The following DOCK6 variants were observed in gnomAD, a reference collection of about 807,000 sequenced individuals.
DOCK6 encodes dedicator of cytokinesis protein 6.
A neutral mutation model predicts 230.3 loss-of-function variants in DOCK6; 167 were observed. The observed-to-expected ratio is 0.73, with a 90% CI of 0.64 to 0.82. The LOEUF is 0.82. Ranked by LOEUF, DOCK6 falls within the 40% of genes least tolerant of loss-of-function variation. The pLI is 0.00. For missense variants in DOCK6, 2,598 were observed against 2,825.8 expected (o/e 0.92, Z 1.83); for synonymous variants, 1,148 against 1,185.0 (o/e 0.97, Z 0.64).
chr19:11,209,109 G>A lies in DOCK6; in HGVS notation c.4752-6C>T, dbSNP rs370173455. The A allele has an allele frequency of 1.7e-5, 28 of 1,610,014 alleles. No homozygotes were observed. The highest frequency in any genetic ancestry group is 2.3e-5 in the Non-Finnish European group (27 of 1,178,800). On this transcript the variant is annotated splice_region_variant and splice_polypyrimidine_tract_variant and intron_variant, in intron 37 of 47. Coordinates refer to ENST00000294618, the MANE Select transcript of DOCK6 (RefSeq NM_020812.4). ...CCTGGTAGCCCCGGGCAATTCTGGAGTCCAGGTGAGGGGGGATGTGAGGAG... is the reference window on the plus strand; with the variant it reads ...CCTGGTAGCCCCGGGCAATTCTGGAATCCAGGTGAGGGGGGATGTGAGGAG...
chr19:11,237,102 G>A, intron 18 of DOCK6: 4 of 596,230 alleles, frequency 6.7e-6, no homozygotes, highest in Non-Finnish European at 1.2e-5. Flanking sequence ...GACACAGGGT[G>A]AATGAATATT....
chr19:11,236,593 G>C lies in DOCK6; in HGVS notation c.2161-16C>G. ...GGTAGGGGTCCTGGGTAGGGATGTG[G>C]AGTGAGCAGGGTGGGGCCTCAGGGA... On this transcript the variant is annotated splice_polypyrimidine_tract_variant and intron_variant, in intron 19 of 47. Coordinates refer to ENST00000294618, the MANE Select transcript of DOCK6 (RefSeq NM_020812.4). This position sits in a 1 kb window ranked among gnomAD's most constrained non-coding sequence, Gnocchi z 5.2. 1 of 1,563,918 alleles carries C rather than the reference G, an allele frequency of 6.4e-7. No individual in the cohort carries two copies. Among genetic ancestry groups the C allele is most frequent in the Middle Eastern group, 1.7e-4 (1 of 5,742 alleles).
chr19:11,236,533 C>T lies in DOCK6; in HGVS notation c.2205G>A (p.Glu735=). ...TGAGCCGGAATGGGAAGGCTCCCTC[C>T]TCCAGGACGTGCACCAGGGTGAAGA... ...DKFFTLVHVL[E]EGAFPFRLKD... is the part of the protein sequence containing the mutation. Residue 735 remains glutamate (E), a synonymous_variant, in exon 20 of 48, where the codon GAG becomes GAA. Transcript: ENST00000294618. This position sits in a 1 kb window ranked among gnomAD's most constrained non-coding sequence, Gnocchi z 5.2. The T allele has an allele frequency of 6.2e-7, 1 of 1,603,476 alleles. No individual in the cohort carries two copies. Among genetic ancestry groups the T allele is most frequent in the Non-Finnish European group, 8.5e-7 (1 of 1,175,360 alleles).
intron 16 of DOCK6, 62 bp downstream of exon 16, chr19:11,237,983 A>G (rs2079877746): frequency 2.5e-6 from 4 of 1,573,520 alleles, no homozygotes; most frequent in Non-Finnish European, 3.5e-6. Context: ...ATGTGTATAT[A>G]TAAGGGACAT....
intron 24 of DOCK6, among the ~76,000 whole-genome samples, chr19:11,224,575 A>G (rs1321008154): frequency 6.6e-6 from 1 of 152,176 alleles, no homozygotes; most frequent in African/African-American, 2.4e-5. Flanking sequence ...GAAGGATACC[A>G]AAGAGCCATG....
chr19:11,235,492 C>G, intron 21 of DOCK6, 106 bp downstream of exon 21: 1 of 1,124,628 alleles, frequency 8.9e-7, no homozygotes, highest in Non-Finnish European at 1.2e-6. Flanking sequence ...CTCAAATGAT[C>G]CATCCAGCTC....
At chr19:11,211,964 AGGCGG>A (rs2079394112) in intron 36 of DOCK6, 24 bp downstream of exon 36, 3 of 1,133,364 alleles carry the variant, frequency 2.6e-6, no homozygotes, top group Middle Eastern at 2.3e-4. Context: ...TATGAAGGGG[AGGCGG>A]GGCGGGGACC....
At chr19:11,225,084 C>T (rs374013808) in intron 24 of DOCK6, among the ~76,000 whole-genome samples, 8 of 151,880 alleles carry the variant, frequency 5.3e-5, no homozygotes, top group South Asian at 2.1e-4. Context: ...AAAAATTAGC[C>T]GGGCATGGTG....
intron 22 of DOCK6, chr19:11,232,195 T>C: frequency 7.8e-7 from 1 of 1,288,870 alleles, no homozygotes; most frequent in Non-Finnish European, 1.0e-6. Flanking sequence ...CTGTCTGGGG[T>C]CGGCCCCACA....
rs1474110966 is a variant in DOCK6, at chr19:11,202,520, C to T, written c.5362-37G>A. On this transcript the variant is annotated intron_variant, in intron 42 of 47. Transcript: ENST00000294618. The surrounding 1 kb of genome is among the most constrained non-coding windows in gnomAD (Gnocchi z 5.3). ...GGGCTGACTCGGGGCCACCCAGGGA[C>T]AGCCCCTACTCCAGCCCCAAGGCAG... is the stretch of plus-strand genomic sequence containing the variant. 3.1e-6 allele frequency: 5 copies of T among 1,613,526 alleles called. No homozygotes were observed. Among genetic ancestry groups the T allele is most frequent in the South Asian group, 1.1e-5 (1 of 91,080 alleles).
At chr19:11,256,139 T>G (rs1358448738) in intron 1 of DOCK6, among the ~76,000 whole-genome samples, 2 of 151,310 alleles carry the variant, frequency 1.3e-5, no homozygotes, top group African/African-American at 2.4e-5. Flanking sequence ...ACTGGGGGGG[T>G]TGAGAAAAGC....
intron 9 of DOCK6, 43 bp downstream of exon 9, chr19:11,245,520 G>T: frequency 6.6e-7 from 1 of 1,517,618 alleles, no homozygotes; most frequent in South Asian, 1.2e-5. Context: ...CTAAATCAGT[G>T]ACATTCGCCA....
chr19:11,237,618 G>A (rs1483266544), intron 17 of DOCK6, 23 bp downstream of exon 17: 8 of 1,578,366 alleles, frequency 5.1e-6, no homozygotes, highest in Non-Finnish European at 6.9e-6. Context: ...GGCTCAGGGG[G>A]AGGGAGGGAG....
At position 11,235,645 on chromosome 19, in the gene DOCK6, A is replaced by T. The variant is rs755511381; in HGVS notation, c.2507T>A (p.Val836Asp). The T allele has an allele frequency of 1.2e-6, 2 of 1,603,846 alleles. No homozygotes were observed. The highest frequency in any genetic ancestry group is 3.4e-5 in the Admixed American group (2 of 58,478). Residue 836 changes from valine (V) to aspartate (D), a missense_variant, in exon 21 of 48, where the codon GTC (valine) becomes GAC (aspartate). Coordinates refer to ENST00000294618, the MANE Select transcript of DOCK6 (RefSeq NM_020812.4). ...RGHCPQLAAY[V>D]HYAFRLPGTE... Reference sequence around the variant, plus strand: ...GCCAGGAAGGCGAAAGGCGTAGTGGACGTAGGCAGCCAGCTGTGGGCAGTG... The same window carrying T: ...GCCAGGAAGGCGAAAGGCGTAGTGGTCGTAGGCAGCCAGCTGTGGGCAGTG...
chr19:11,204,599 G>A (rs1011758575), intron 39 of DOCK6, among the ~76,000 whole-genome samples: 2 of 152,050 alleles, frequency 1.3e-5, no homozygotes, highest in Admixed American at 6.6e-5. Context: ...GAGTGTAGTG[G>A]TACAATCATA....
chr19:11,260,928 A>G (rs1231284056), intron 1 of DOCK6, among the ~76,000 whole-genome samples: 2 of 151,848 alleles, frequency 1.3e-5, no homozygotes, highest in Admixed American at 6.6e-5. Context: ...AGAAAAGGAA[A>G]GAAAAAGAAA....
At chr19:11,219,366 T>C (rs2079545785) in intron 28 of DOCK6, among the ~76,000 whole-genome samples, 1 of 150,330 alleles carries the variant, frequency 6.7e-6, no homozygotes, top group Non-Finnish European at 1.5e-5. Context: ...TTTTTTGTAT[T>C]TTTAGTAGAG....
intron 6 of DOCK6, among the ~76,000 whole-genome samples, chr19:11,248,947 G>A (rs574204010): frequency 3.2e-4 from 49 of 152,248 alleles, no homozygotes; most frequent in Non-Finnish European, 6.8e-4. Flanking sequence ...GAGATATAGG[G>A]ATATACACCC....
chr19:11,248,511 A>G (rs1405037423), intron 6 of DOCK6, among the ~76,000 whole-genome samples: 1 of 151,900 alleles, frequency 6.6e-6, no homozygotes, highest in Admixed American at 6.6e-5. Flanking sequence ...CCCAGGTTCA[A>G]GTGATTCTCC....
Sources: gnomAD v4.1 joint callset for allele counts (sites outside exome capture counted in the v4.1 genomes callset) on GRCh38, gnomAD v4.1.1 for gene constraint, Gnocchi (gnomAD v3.1) non-coding constraint, MANE v1.5 for transcripts, NCBI Gene and HGNC (gene_info 2026-07-23, HGNC 2026-07-21) for gene names.